The following PRKG1 variants were observed in gnomAD, a reference collection of about 807,000 sequenced individuals.
PRKG1 encodes the protein cGMP-dependent protein kinase 1.
A neutral mutation model predicts 88.1 loss-of-function variants in PRKG1; 35 were observed. The ratio of observed to expected loss-of-function variants is 0.40; its 90% CI spans 0.30 to 0.53. The LOEUF (loss-of-function observed/expected upper bound fraction) is 0.53, where lower values mean the gene tolerates loss of function less well. PRKG1 is among the 20% of genes least tolerant of loss of function. The pLI, the probability that PRKG1 is intolerant of heterozygous loss-of-function variation, is 0.59. For missense variants in PRKG1, 540 were observed against 839.8 expected, an observed-to-expected ratio of 0.64 and a Z score of 4.41; for synonymous variants, 303 against 292.5, an observed-to-expected ratio of 1.04 and a Z score of -0.37.
At chr10:51,291,386 T>C (rs986152157) in intron 2 of PRKG1, among the ~76,000 whole-genome samples, 2 of 152,092 alleles carry the variant, frequency 1.3e-5, no homozygotes, top group African/African-American at 4.8e-5. Flanking sequence ...CCCACTCGGA[T>C]CTTCTTTTCT....
At chr10:51,228,200 A>G (rs192841615) in intron 2 of PRKG1, among the ~76,000 whole-genome samples, 1 of 152,268 alleles carries the variant, frequency 6.6e-6, no homozygotes, top group Non-Finnish European at 1.5e-5. Context: ...AAGGTCTGGG[A>G]TAGATGCATT....
At chr10:51,002,753 T>C (rs931026952) in intron 1 of PRKG1, among the ~76,000 whole-genome samples, 17 of 152,226 alleles carry the variant, frequency 1.1e-4, no homozygotes, top group African/African-American at 3.4e-4. Context: ...AGGAGAAATG[T>C]ACTTATTTTG....
At chr10:51,222,279 T>C (rs1215142208) in intron 2 of PRKG1, among the ~76,000 whole-genome samples, 1 of 152,154 alleles carries the variant, frequency 6.6e-6, no homozygotes, top group East Asian at 1.9e-4. Flanking sequence ...AGACCAAAGT[T>C]ACTTCAAAAT....
At chr10:52,189,663 C>T (rs1839314537) in intron 9 of PRKG1, among the ~76,000 whole-genome samples, 1 of 152,168 alleles carries the variant, frequency 6.6e-6, no homozygotes, top group African/African-American at 2.4e-5. Context: ...TTGTCTTCTA[C>T]AAAACCAGTC....
intron 1 of PRKG1, among the ~76,000 whole-genome samples, chr10:51,109,863 A>G (rs778313629): frequency 6.6e-6 from 1 of 152,180 alleles, no homozygotes; most frequent in African/African-American, 2.4e-5. Flanking sequence ...ATTTATATCC[A>G]AAATATGAAA....
chr10:51,038,160 C>T (rs1371128161), intron 1 of PRKG1, among the ~76,000 whole-genome samples: 1 of 152,164 alleles, frequency 6.6e-6, no homozygotes, highest in Non-Finnish European at 1.5e-5. Context: ...AGTATTCTTA[C>T]TCTACACATT....
chr10:51,376,054 T>A (rs909112025), intron 2 of PRKG1, among the ~76,000 whole-genome samples: 1 of 152,230 alleles, frequency 6.6e-6, no homozygotes, highest in African/African-American at 2.4e-5. Context: ...CAAGAGGTTA[T>A]GCTCAACAGA....
intron 4 of PRKG1, among the ~76,000 whole-genome samples, chr10:51,850,955 C>A (rs1332859540): frequency 6.6e-6 from 1 of 152,052 alleles, no homozygotes; most frequent in Non-Finnish European, 1.5e-5. Flanking sequence ...GTATCTTTAC[C>A]TTTGATCTAG....
In PRKG1 at chr10:51,074,842, C is replaced by T. The variant is rs1325628462; in HGVS notation, c.252C>T (p.Thr84=). 1 of 1,613,532 alleles carries T rather than the reference C, an allele frequency of 6.2e-7. No individual in the cohort carries two copies. Among genetic ancestry groups the T allele is most frequent in the Non-Finnish European group, 8.5e-7 (1 of 1,179,690 alleles). ...TKRQAISAEP[T]AFDIQDLSHV... ...GGCAGGCGATCTCCGCCGAGCCCACCGCCTTCGACATCCAGGATCTCAGCC... is the reference window on the plus strand; with the variant it reads ...GGCAGGCGATCTCCGCCGAGCCCACTGCCTTCGACATCCAGGATCTCAGCC... Residue 84 remains threonine (T), a synonymous_variant, in exon 1 of 18, where the codon ACC becomes ACT. Transcript: ENST00000373980.
intron 5 of PRKG1, among the ~76,000 whole-genome samples, chr10:51,991,627 A>G (rs935299782): frequency 4.6e-5 from 7 of 152,104 alleles, no homozygotes; most frequent in African/African-American, 1.4e-4. Flanking sequence ...GAGAACATGC[A>G]GTGTTTGGTT....
Position 51,962,505 on chromosome 10 carries a change from G to A in PRKG1, c.762+54935G>A, listed in dbSNP as rs548924525. On this transcript the variant is annotated intron_variant, in intron 5 of 17. Coordinates refer to ENST00000373980, the MANE Select transcript of PRKG1 (RefSeq NM_006258.4). ...TCTTTTCTTTTCTTTTCTTTTTAAA[G>A]TGAGATATTATATAAGCCACGATGG... is the stretch of plus-strand genomic sequence containing the variant. 1.6e-4 allele frequency among the ~76,000 whole-genome samples: 24 copies of A among 152,102 alleles called. 1 individual carries two copies. In the South Asian group the frequency reaches 4.8e-3, roughly 30 times the overall value.
intron 1 of PRKG1, among the ~76,000 whole-genome samples, chr10:51,085,255 T>C (rs1208910522): frequency 6.6e-6 from 1 of 152,220 alleles, no homozygotes; most frequent in Non-Finnish European, 1.5e-5. Context: ...GGTGACTAAG[T>C]AACACGTTTT....
chr10:51,722,316 G>T (rs950852654), intron 3 of PRKG1, among the ~76,000 whole-genome samples: 6 of 151,498 alleles, frequency 4.0e-5, no homozygotes, highest in African/African-American at 1.2e-4. Context: ...GATTTGTATT[G>T]TTATAATTTA....
At chr10:51,794,013 C>T (rs1334825192) in intron 3 of PRKG1, among the ~76,000 whole-genome samples, 2 of 152,098 alleles carry the variant, frequency 1.3e-5, no homozygotes, top group African/African-American at 4.8e-5. Flanking sequence ...ATCTGCCCAG[C>T]TCAGTCTCTC....
chr10:51,786,092 G>C (rs1231029509), intron 3 of PRKG1, among the ~76,000 whole-genome samples: 2 of 152,144 alleles, frequency 1.3e-5, no homozygotes, highest in Non-Finnish European at 2.9e-5. Flanking sequence ...AGAATGTATA[G>C]AGTCAATTGT....
intron 10 of PRKG1, among the ~76,000 whole-genome samples, chr10:52,254,216 T>A (rs1174970258): frequency 6.6e-6 from 1 of 151,976 alleles, no homozygotes; most frequent in Non-Finnish European, 1.5e-5. Context: ...AGGAGTAAGA[T>A]GTAGGCAGAG....
chr10:51,224,835 T>G (rs184275497), intron 2 of PRKG1, among the ~76,000 whole-genome samples: 81 of 152,216 alleles, frequency 5.3e-4, no homozygotes, highest in African/African-American at 1.9e-3. Flanking sequence ...TGGTTGAAAT[T>G]ATAGGGAGGG....
intron 4 of PRKG1, among the ~76,000 whole-genome samples, chr10:51,884,039 A>G: frequency 6.6e-6 from 1 of 151,600 alleles, no homozygotes; most frequent in Non-Finnish European, 1.5e-5. Flanking sequence ...AAAAAAAAAA[A>G]AAAAAAGAAG....
chr10:51,534,764 A>T lies in PRKG1; in HGVS notation c.592+66928A>T, dbSNP rs144699769. ...AAAATAGCCAAGAATGACAAGAAAA[A>T]ATGTATTTATTTTAAAAATAAGTAG... On this transcript the variant is annotated intron_variant, in intron 3 of 17. Transcript: ENST00000373980. Among the ~76,000 whole-genome samples, 855 of 152,224 alleles carry T rather than the reference A, an allele frequency of 5.6e-3. 8 individuals carry two copies. Among genetic ancestry groups the T allele is most frequent in the African/African-American group, 0.02 (819 of 41,552 alleles).
Sources: gnomAD v4.1 joint callset for allele counts (sites outside exome capture counted in the v4.1 genomes callset) on GRCh38, gnomAD v4.1.1 for gene constraint, MANE v1.5 for transcripts, NCBI Gene and HGNC (gene_info 2026-07-23, HGNC 2026-07-21) for gene names.